TRIT1: variants seen among roughly 807,000 people sequenced by gnomAD.
The protein encoded by TRIT1 is tRNA dimethylallyltransferase.
A neutral mutation model predicts 51.2 loss-of-function variants in TRIT1; 43 were observed. The observed-to-expected ratio is 0.84, with a 90% CI of 0.66 to 1.08. The LOEUF is 1.08. Ranked by LOEUF, TRIT1 falls within the 50% of genes least tolerant of loss-of-function variation. The pLI, the probability that TRIT1 is intolerant of heterozygous loss-of-function variation, is 0.00. For missense variants in TRIT1, 528 were observed against 578.4 expected (o/e 0.91, Z 0.89); for synonymous variants, 184 against 203.9 (o/e 0.90, Z 0.83).
chr1:39,854,849 T>A (rs1370809306), intron 2 of TRIT1, among the ~76,000 whole-genome samples: 15 of 148,024 alleles, frequency 1.0e-4, no homozygotes, highest in Non-Finnish European at 1.5e-5. Context: ...CTGAGAATAA[T>A]TTTTTTTTTT....
At chr1:39,881,169 T>C (rs1331169494) in intron 1 of TRIT1, among the ~76,000 whole-genome samples, 2 of 145,160 alleles carry the variant, frequency 1.4e-5, no homozygotes, top group African/African-American at 2.6e-5. Context: ...GAGGTTGCAG[T>C]GAGCCAAGAT....
intron 1 of TRIT1, among the ~76,000 whole-genome samples, chr1:39,865,830 CACA>C (rs1557566717): frequency 6.8e-6 from 1 of 146,936 alleles, no homozygotes; most frequent in Non-Finnish European, 1.5e-5. Flanking sequence ...GCCTGGGCAG[CACA>C]ACGAGACAAG....
rs1157126795 is a variant in TRIT1 at position 39,840,908 on chromosome 1, A to G, written c.*836T>C. 2 of 152,232 alleles carry G rather than the reference A, an allele frequency of 1.3e-5. No individual in the cohort carries two copies. Among genetic ancestry groups the G allele is most frequent in the Non-Finnish European group, 2.9e-5 (2 of 68,036 alleles). The allele number at this position is 152,232 out of a possible 1,614,324, so 9.4% of individuals were successfully genotyped here. A position where few individuals can be genotyped will look rare whatever the true frequency, so the allele number is the denominator to read the frequency against. Reference sequence around the variant, plus strand: ...TGTCTTCAAGGACTATAACGTGTTAAATAAACACCCGCTACATAAATGAAC... The same window carrying G: ...TGTCTTCAAGGACTATAACGTGTTAGATAAACACCCGCTACATAAATGAAC... On this transcript the variant is annotated 3_prime_UTR_variant, in exon 11 of 11. Coordinates refer to ENST00000316891, the MANE Select transcript of TRIT1 (RefSeq NM_017646.6).
At chr1:39,849,119 C>G (rs1377935064) in intron 5 of TRIT1, among the ~76,000 whole-genome samples, 4 of 152,102 alleles carry the variant, frequency 2.6e-5, no homozygotes, top group Non-Finnish European at 4.4e-5. Flanking sequence ...AGTAACCTTC[C>G]TAGAAAGTTT....
intron 2 of TRIT1, among the ~76,000 whole-genome samples, chr1:39,855,710 T>A (rs893217326): frequency 6.6e-6 from 1 of 152,012 alleles, no homozygotes; most frequent in African/African-American, 2.4e-5. Context: ...AAGGGAAAAA[T>A]GTTAAGATTC....
At chr1:39,868,588 G>A (rs927063892) in intron 1 of TRIT1, among the ~76,000 whole-genome samples, 2 of 148,316 alleles carry the variant, frequency 1.3e-5, no homozygotes, top group Non-Finnish European at 3.0e-5. Flanking sequence ...AGGTTGCAGT[G>A]AGCCAAGATC....
intron 1 of TRIT1, among the ~76,000 whole-genome samples, chr1:39,882,680 G>C (rs1644301167): frequency 6.6e-6 from 1 of 152,200 alleles, no homozygotes; most frequent in African/African-American, 2.4e-5. Flanking sequence ...TCTGTTCTTC[G>C]TTCTAACGCT....
chr1:39,841,795 T>C lies in TRIT1; in HGVS notation c.1353A>G (p.Lys451=). 6.2e-7 allele frequency: 1 copy of C among 1,614,078 alleles called. No individual in the cohort carries two copies. The highest frequency in any genetic ancestry group is 1.1e-5 in the South Asian group (1 of 91,070). ...CATTCTGCCCTGGGGATCCCTTCTC[T>C]TTAGGTTCTTTGTTATGGTCTGGGG... The part of the protein sequence containing the change: ...SVSPDHNKEP[K]EKGSPGQNDQ... The change falls in exon 11 of 11, where the codon AAA becomes AAG. Residue 451 remains lysine, a synonymous_variant. Transcript: ENST00000316891.
rs1172809764 is a variant in TRIT1 at position 39,849,188 on chromosome 1, T to C, written c.703+931A>G. On this transcript the variant is annotated intron_variant, in intron 5 of 10. Transcript: ENST00000316891. ...ATTCTGAGCACTATATATGTATTAA[T>C]TCATCTAATCCTTGATGAAGCTAGG... is the stretch of plus-strand genomic sequence containing the variant. Among the ~76,000 whole-genome samples, 3 of 152,316 alleles carry C rather than the reference T, an allele frequency of 2.0e-5. No homozygotes were observed. In the East Asian group the frequency reaches 5.8e-4, roughly 29 times the overall value.
At chr1:39,872,854 G>A (rs944946690) in intron 1 of TRIT1, among the ~76,000 whole-genome samples, 3 of 150,386 alleles carry the variant, frequency 2.0e-5, no homozygotes, top group African/African-American at 7.4e-5. Flanking sequence ...AAGTGAGGGA[G>A]GGGAAGGAAA....
chr1:39,874,499 A>G, intron 1 of TRIT1, among the ~76,000 whole-genome samples: 1 of 152,306 alleles, frequency 6.6e-6, no homozygotes, highest in Admixed American at 6.5e-5. Context: ...CTCTGAGTCA[A>G]TTTATGTAAT....
chr1:39,876,065 C>G (rs1311832726), intron 1 of TRIT1: 1 of 150,918 alleles, frequency 6.6e-6, no homozygotes, highest in Non-Finnish European at 1.5e-5. Context: ...TACTCACAAG[C>G]AGAGCCCCAA....
intron 7 of TRIT1, 122 bp from the exon 8 acceptor site, chr1:39,847,419 C>A (rs1304402870): frequency 9.1e-6 from 13 of 1,434,662 alleles, no homozygotes; most frequent in Non-Finnish European, 1.3e-5. Context: ...ACTTGGTGGA[C>A]AAAAATCTCA....
intron 1 of TRIT1, among the ~76,000 whole-genome samples, chr1:39,872,817 A>T (rs1570119305): frequency 1.3e-5 from 1 of 77,718 alleles, no homozygotes; most frequent in Non-Finnish European, 2.2e-5. Flanking sequence ...GAAGGAAGGG[A>T]GGGAGGGAGG....
In TRIT1 at chr1:39,852,817, A is replaced by G; in HGVS notation, c.474T>C (p.Asp158=). The change falls in exon 4 of 11, where the codon GAT becomes GAC. Residue 158 remains aspartate (D), a synonymous_variant. Coordinates refer to ENST00000316891, the MANE Select transcript of TRIT1 (RefSeq NM_017646.6). ...TTAGGCGTTTGTGAAGTACAAGACC[A>G]TCCTCCTTTTCAAGCTCCACTTTTC... The part of the protein sequence containing the change: ...IDRKVELEKE[D]GLVLHKRLSQ... 2 of 1,614,192 alleles carry G rather than the reference A, an allele frequency of 1.2e-6. No individual in the cohort carries two copies. The highest frequency in any genetic ancestry group is 1.7e-6 in the Non-Finnish European group (2 of 1,180,012).
intron 2 of TRIT1, 92 bp from the exon 3 acceptor site, chr1:39,854,160 A>G: frequency 1.1e-6 from 1 of 918,260 alleles, no homozygotes; most frequent in Non-Finnish European, 1.6e-6. Flanking sequence ...ATTTATCTGC[A>G]GAGCAGAGGA....
chr1:39,846,465 A>G (rs1363191702), intron 8 of TRIT1, among the ~76,000 whole-genome samples: 1 of 152,256 alleles, frequency 6.6e-6, no homozygotes, highest in East Asian at 1.9e-4. Context: ...CCCATGGTCC[A>G]ATACTAATGC....
rs1191755341 is a variant in TRIT1 at position 39,844,653 on chromosome 1, A to G, written c.1007-13T>C. The G allele has an allele frequency of 6.3e-7, 1 of 1,598,872 alleles. No individual in the cohort carries two copies. The highest frequency in any genetic ancestry group is 2.2e-5 in the East Asian group (1 of 44,802). ...ATGGGACCAGGTCCTAATGATGACA[A>G]AGAAAGGTTGTGAGAGGTCAGCCTC... On this transcript the variant is annotated splice_polypyrimidine_tract_variant and intron_variant, in intron 8 of 10. Coordinates refer to ENST00000316891, the MANE Select transcript of TRIT1 (RefSeq NM_017646.6).
At chr1:39,881,412 C>T (rs776555666) in intron 1 of TRIT1, among the ~76,000 whole-genome samples, 10 of 152,156 alleles carry the variant, frequency 6.6e-5, no homozygotes, top group Non-Finnish European at 1.2e-4. Context: ...ACGTACTGCT[C>T]ACAAATGAAT....
Sources: allele counts gnomAD v4.1 joint callset (sites outside exome capture counted in the v4.1 genomes callset), GRCh38; gene constraint gnomAD v4.1.1; transcripts MANE v1.5; gene names NCBI Gene and HGNC (gene_info 2026-07-23, HGNC 2026-07-21).